Variants in XRCC6 observed in about 807,000 individuals in gnomAD.
XRCC6 encodes X-ray repair cross complementing 6.
A neutral mutation model predicts 65.7 loss-of-function variants in XRCC6; 5 were observed. That is an observed-to-expected ratio of 0.08 (90% confidence interval 0.04 to 0.16). XRCC6 has a LOEUF of 0.16. XRCC6 is among the 10% of genes least tolerant of loss of function. XRCC6 has a pLI of 1.00. For missense variants in XRCC6, 447 were observed against 738.1 expected (o/e 0.61, Z 4.57); for synonymous variants, 270 against 270.6 (o/e 1.00, Z 0.02).
At chr22:41,627,281 G>A (rs1257664427) in intron 2 of XRCC6, among the ~76,000 whole-genome samples, 1 of 152,064 alleles carries the variant, frequency 6.6e-6, no homozygotes, top group African/African-American at 2.4e-5. Context: ...GTAAGGGGTG[G>A]GTGTGTGGTA....
At chr22:41,632,645 C>G (rs961765103) in intron 3 of XRCC6, among the ~76,000 whole-genome samples, 1 of 151,406 alleles carries the variant, frequency 6.6e-6, no homozygotes, top group Non-Finnish European at 1.5e-5. Context: ...AGTTGGCACA[C>G]CAGAATATCT....
At chr22:41,639,005 T>TA (rs768862332) in intron 6 of XRCC6, among the ~76,000 whole-genome samples, 26 of 152,244 alleles carry the variant, frequency 1.7e-4, no homozygotes, top group Non-Finnish European at 2.8e-4. Context: ...GCGACAAACT[T>TA]ACGACAGCTA....
intron 3 of XRCC6, among the ~76,000 whole-genome samples, chr22:41,635,515 A>T (rs921854553): frequency 6.6e-6 from 1 of 152,072 alleles, no homozygotes; most frequent in Non-Finnish European, 1.5e-5. Flanking sequence ...CCCAACTCCC[A>T]TAGCACAATT....
At chr22:41,648,717 T>C (rs1318686336) in intron 7 of XRCC6, among the ~76,000 whole-genome samples, 1 of 152,170 alleles carries the variant, frequency 6.6e-6, no homozygotes. Flanking sequence ...TAAAATATTA[T>C]TTTGATTCAA....
intron 8 of XRCC6, among the ~76,000 whole-genome samples, chr22:41,651,380 TTTTTTTTTTTTTTTTTTTTTTTTTTTTG>T (rs2067994130): frequency 1.1e-5 from 1 of 89,100 alleles, no homozygotes. Context: ...TTTTTTTTTT[TTTTTTTTTTTTTTTTTTTTTTTTTTTTG>T]GAGATGGAGT....
At chr22:41,650,500 C>T (rs528144544) in intron 7 of XRCC6, among the ~76,000 whole-genome samples, 1 of 152,272 alleles carries the variant, frequency 6.6e-6, no homozygotes, top group Non-Finnish European at 1.5e-5. Context: ...GTTTGAACAT[C>T]TACCTCTTGG....
chr22:41,632,456 C>A (rs545922915), intron 3 of XRCC6, among the ~76,000 whole-genome samples: 3 of 151,870 alleles, frequency 2.0e-5, no homozygotes, highest in African/African-American at 7.3e-5. Flanking sequence ...ACTCAAAATA[C>A]AAAAATTAGC....
chr22:41,646,155 T>A (rs1345893442), intron 6 of XRCC6, among the ~76,000 whole-genome samples: 1 of 151,806 alleles, frequency 6.6e-6, no homozygotes, highest in Admixed American at 6.6e-5. Flanking sequence ...AAAAAGAAAT[T>A]AGCTGGGTGT....
chr22:41,648,349 G>A lies in XRCC6; in HGVS notation c.960+1267G>A, dbSNP rs181741835. 2.8e-3 allele frequency among the ~76,000 whole-genome samples: 431 copies of A among 152,158 alleles called. 9 individuals are homozygous for A. The highest frequency in any genetic ancestry group is 0.026 in the Admixed American group (392 of 15,238). On this transcript the variant is annotated intron_variant, in intron 7 of 12. Coordinates refer to ENST00000360079, the MANE Select transcript of XRCC6 (RefSeq NM_001469.5). ...CTCACCCCTTCATCACTCAGTACAT[G>A]CTGCTGTCAGTCTAACAGTCTTGCT...
At chr22:41,649,139 A>AAAATATATATATATATATAT in intron 7 of XRCC6, among the ~76,000 whole-genome samples, 22 of 88,720 alleles carry the variant, frequency 2.5e-4, no homozygotes, top group Admixed American at 1.7e-4. Context: ...AAAAAAAAAA[A>AAAATATATATATATATATAT]ATATATATAT....
chr22:41,662,419 A>G (rs1344509266), intron 12 of XRCC6, among the ~76,000 whole-genome samples: 1 of 152,192 alleles, frequency 6.6e-6, no homozygotes, highest in African/African-American at 2.4e-5. Flanking sequence ...ATTTACACAT[A>G]CCAACATACA....
chr22:41,629,082 G>A (rs1364077598), intron 3 of XRCC6, among the ~76,000 whole-genome samples: 1 of 150,274 alleles, frequency 6.7e-6, no homozygotes, highest in Non-Finnish European at 1.5e-5. Context: ...AAACCATAAT[G>A]AGCTACCACT....
Position 41,647,150 on chromosome 22 carries a change from G to GTGCTGGAT in XRCC6, c.960+71_960+72insTGGATTGC, listed in dbSNP as rs1350324016. On this transcript the variant is annotated intron_variant, in intron 7 of 12. Coordinates refer to ENST00000360079, the MANE Select transcript of XRCC6 (RefSeq NM_001469.5). Reference sequence around the variant, plus strand: ...GTCTCATTGTGTCGCCCAGGCTGGAGTGCAGTGGGGCGAACATGACTCGCT... The same window carrying GTGCTGGAT: ...GTCTCATTGTGTCGCCCAGGCTGGAGTGCTGGATTGCAGTGGGGCGAACATGACTCGCT... 4 of 1,540,836 alleles carry GTGCTGGAT rather than the reference G, an allele frequency of 2.6e-6. No homozygotes were observed. In the East Asian group the frequency reaches 6.7e-5, roughly 26 times the overall value.
At chr22:41,652,027 A>T (rs562447264) in intron 8 of XRCC6, among the ~76,000 whole-genome samples, 2 of 151,982 alleles carry the variant, frequency 1.3e-5, no homozygotes, top group South Asian at 2.1e-4. Flanking sequence ...TAGGTGATTC[A>T]CCCGCCTCGG....
At chr22:41,631,716 C>T (rs1393135181) in intron 3 of XRCC6, among the ~76,000 whole-genome samples, 3 of 150,566 alleles carry the variant, frequency 2.0e-5, no homozygotes, top group African/African-American at 7.4e-5. Context: ...CCTCACTTCC[C>T]AGACGGGGTG....
At chr22:41,647,581 C>CAAAA (rs34674929) in intron 7 of XRCC6, among the ~76,000 whole-genome samples, 1 of 134,248 alleles carries the variant, frequency 7.4e-6, no homozygotes, top group Non-Finnish European at 1.6e-5. Context: ...AACTCCGTCT[C>CAAAA]AAAAAAAAAA....
chr22:41,633,054 G>C (rs1369953557), intron 3 of XRCC6, among the ~76,000 whole-genome samples: 8 of 152,024 alleles, frequency 5.3e-5, no homozygotes. Context: ...TTGCACCTGG[G>C]AGGCAGAGGT....
intron 2 of XRCC6, 38 bp downstream of exon 2, chr22:41,622,124 G>GCAGGGAATGTGGCAGGC (rs752218326): frequency 6.2e-7 from 1 of 1,607,688 alleles, no homozygotes; most frequent in East Asian, 2.2e-5. Context: ...TCGGTGTGTG[G>GCAGGGAATGTGGCAGGC]AAGAAAGACC....
intron 7 of XRCC6, 40 bp from the exon 8 acceptor site, chr22:41,650,683 G>A (rs760151970): frequency 1.4e-5 from 23 of 1,599,652 alleles, no homozygotes; most frequent in South Asian, 7.7e-5. Flanking sequence ...GCATCTCCTC[G>A]TAGCCTTCCC....
Sources: allele counts gnomAD v4.1 joint callset (sites outside exome capture counted in the v4.1 genomes callset), GRCh38; gene constraint gnomAD v4.1.1; transcripts MANE v1.5; gene names NCBI Gene and HGNC (gene_info 2026-07-23, HGNC 2026-07-21).